Variants in PTCH1 observed in about 807,000 individuals in gnomAD.
PTCH1 encodes the protein patched 1.
In PTCH1, 14 loss-of-function variants were observed where a neutral mutation model predicts 144.6. That is an observed-to-expected ratio of 0.10 (90% CI 0.06 to 0.15). PTCH1 has a LOEUF of 0.15. Ranked by LOEUF, PTCH1 falls within the 10% of genes least tolerant of loss-of-function variation. PTCH1 has a pLI of 1.00. For missense variants in PTCH1, 1,623 were observed against 1,948.3 expected, an observed-to-expected ratio of 0.83 and a Z score of 3.14; for synonymous variants, 833 against 793.6, an observed-to-expected ratio of 1.05 and a Z score of -0.83.
chr9:95,482,348 G>A, intron 3 of PTCH1, 145 bp from the exon 4 acceptor site: 1 of 756,186 alleles, frequency 1.3e-6, no homozygotes, highest in Non-Finnish European at 2.2e-6. Flanking sequence ...TTGCCAAGTA[G>A]AGACCCAGCA....
upstream of PTCH1, among the ~76,000 whole-genome samples, chr9:95,510,348 G>C (rs3758302): frequency 0.4 from 60,776 of 151,940 alleles, 13,667 homozygotes; most frequent in African/African-American, 0.61. Context: ...TGGATTCATT[G>C]AAAACAAACT....
chr9:95,508,053 G>A, intron 1 of PTCH1, 108 bp downstream of exon 1: 4 of 1,556,654 alleles, frequency 2.6e-6, no homozygotes, highest in East Asian at 2.3e-5. Flanking sequence ...GTGTGTGTGT[G>A]TGTGTGAGAG....
chr9:95,486,806 C>T (rs938510038), intron 2 of PTCH1, among the ~76,000 whole-genome samples: 4 of 152,338 alleles, frequency 2.6e-5, no homozygotes, highest in South Asian at 2.1e-4. Context: ...AGCCAAGCTC[C>T]GAATGCTGCA....
At chr9:95,510,934 T>C (rs1844120101), upstream of PTCH1, among the ~76,000 whole-genome samples, 1 of 150,038 alleles carries the variant, frequency 6.7e-6, no homozygotes, top group Middle Eastern at 3.2e-3. Context: ...CCGGGCCGGC[T>C]CCGGGCCTCC....
Position 95,449,247 on chromosome 9 carries a change from ATGGCGAAGCGGACCACGCTGGGGGG to A in PTCH1, c.3601_3625del (p.Pro1201CysfsTer46). On this transcript the variant is annotated frameshift_variant, in exon 22 of 24. Coordinates refer to ENST00000331920, the MANE Select transcript of PTCH1 (RefSeq NM_000264.5). LOFTEE classifies it high-confidence loss of function. This position sits in a 1 kb window ranked among gnomAD's most constrained non-coding sequence, Gnocchi z 5.3. ...CCCGCTGTGCGTGTGGCCGGGCGGC[ATGGCGAAGCGGACCACGCTGGGGGG>A]TGGCTCAGGGGAGGGTGTGGGCAGG... 1 of 1,577,186 alleles carries A rather than the reference ATGGCGAAGCGGACCACGCTGGGGGG, an allele frequency of 6.3e-7. No individual in the cohort carries two copies. Among genetic ancestry groups the A allele is most frequent in the East Asian group, 2.3e-5 (1 of 43,292 alleles).
At chr9:95,511,109 G>C (rs1405755179), upstream of PTCH1, among the ~76,000 whole-genome samples, 3 of 149,664 alleles carry the variant, frequency 2.0e-5, no homozygotes, top group Non-Finnish European at 4.5e-5. Flanking sequence ...ACGAGTCCCT[G>C]CCCATTCAGC....
At chr9:95,492,759 T>A (rs1587653698) in intron 2 of PTCH1, among the ~76,000 whole-genome samples, 1 of 151,898 alleles carries the variant, frequency 6.6e-6, no homozygotes, top group African/African-American at 2.4e-5. Flanking sequence ...CAATAATCCG[T>A]ATTTTTATTT....
chr9:95,495,370 T>C (rs1842715986), intron 2 of PTCH1: 1 of 152,048 alleles, frequency 6.6e-6, no homozygotes, highest in Non-Finnish European at 1.5e-5. Flanking sequence ...GCATCATGCA[T>C]TTCAAAGTAT....
intron 23 of PTCH1, 95 bp downstream of exon 23, chr9:95,446,816 A>C (rs1588509002): frequency 6.5e-7 from 1 of 1,535,876 alleles, no homozygotes; most frequent in Middle Eastern, 2.3e-4. Context: ...CCCGAGCGCC[A>C]CAGCCCCTCG....
In PTCH1 at chr9:95,482,121, G is replaced by T; in HGVS notation, c.654+13C>A. The T allele has an allele frequency of 2.5e-6, 4 of 1,613,948 alleles. No homozygotes were observed. In the South Asian group the frequency reaches 3.3e-5, roughly 13 times the overall value. ...GTTCCTGAGAAATTTTTGCCAACAA[G>T]AAGAAAATATACCTGATCCATGTAA... On this transcript the variant is annotated intron_variant, in intron 4 of 23. Transcript: ENST00000331920.
Position 95,476,922 on chromosome 9 carries a change from T to C in PTCH1, c.1504-65A>G. 6.8e-7 allele frequency: 1 copy of C among 1,467,024 alleles called. No homozygotes were observed. 90.9% of individuals were successfully genotyped at this position (1,467,024 alleles called of 1,614,324 possible). A position where few individuals can be genotyped will look rare whatever the true frequency, so the allele number is the denominator to read the frequency against. ...GATGCAATTCAGATGATTCTAAAGC[T>C]AGTTAGGACTCTGCCACCAGCACCT... On this transcript the variant is annotated intron_variant, in intron 10 of 23. Transcript: ENST00000331920. The surrounding 1 kb of genome is among the most constrained non-coding windows in gnomAD (Gnocchi z 4.6).
Position 95,481,929 on chromosome 9 carries a change from A to G in PTCH1, c.746+20T>C. On this transcript the variant is annotated intron_variant, in intron 5 of 23. Transcript: ENST00000331920. ...TCCTAGAGAAGTCACAGACATCAGA[A>G]AGCATGATCACACACTTACAGGAGG... The G allele has an allele frequency of 6.3e-7, 1 of 1,581,570 alleles. No homozygotes were observed. The highest frequency in any genetic ancestry group is 8.7e-7 in the Non-Finnish European group (1 of 1,150,420).
chr9:95,511,286 TCTC>T (rs541644471), upstream of PTCH1, among the ~76,000 whole-genome samples: 1,834 of 151,858 alleles, frequency 0.012, 21 homozygotes, highest in Middle Eastern at 0.058. Context: ...GCCTGCGCCT[TCTC>T]CTTCCTCCCT....
rs181166596 is a variant in PTCH1 at position 95,504,936 on chromosome 9, G to A, written c.394+1471C>T. On this transcript the variant is annotated intron_variant, in intron 2 of 23. Coordinates refer to ENST00000331920, the MANE Select transcript of PTCH1 (RefSeq NM_000264.5). The stretch of plus-strand genomic sequence containing the variant: ...GTGCTCAAGAAACTTGTTGCTAGGA[G>A]CATAATAGCTGCTCGATAAAACCCT... Among the ~76,000 whole-genome samples the A allele has an allele frequency of 4.5e-4, 68 of 152,332 alleles. No individual in the cohort carries two copies. The Middle Eastern group carries it at 0.01, about 23-fold the overall frequency.
chr9:95,516,429 G>A (rs1395435211), intron 1 of PTCH1: 2 of 1,375,198 alleles, frequency 1.5e-6, no homozygotes, highest in South Asian at 1.8e-5. Flanking sequence ...GGCGCGCGAG[G>A]CGAGGTGGCG....
chr9:95,507,912 A>ACG, intron 1 of PTCH1: 1 of 1,377,664 alleles, frequency 7.3e-7, no homozygotes, highest in African/African-American at 1.5e-5. Flanking sequence ...GTATACACAC[A>ACG]CACACACGCA....
intron 2 of PTCH1, among the ~76,000 whole-genome samples, chr9:95,497,744 C>T (rs1454548758): frequency 1.3e-5 from 2 of 152,234 alleles, no homozygotes; most frequent in Non-Finnish European, 2.9e-5. Context: ...ATCCAAGCCA[C>T]ATCTTGATTT....
intron 2 of PTCH1, among the ~76,000 whole-genome samples, chr9:95,498,894 A>G (rs1360854231): frequency 6.6e-6 from 1 of 152,224 alleles, no homozygotes; most frequent in African/African-American, 2.4e-5. Flanking sequence ...GATGGAACAC[A>G]TAAAGCTTCA....
intron 18 of PTCH1, among the ~76,000 whole-genome samples, chr9:95,456,883 C>T (rs961959846): frequency 2.6e-5 from 4 of 152,044 alleles, no homozygotes; most frequent in African/African-American, 2.4e-5. Context: ...GCTGATAGGA[C>T]GGGGTGAATA....
Sources: allele counts gnomAD v4.1 joint callset (sites outside exome capture counted in the v4.1 genomes callset), GRCh38; gene constraint gnomAD v4.1.1; non-coding constraint Gnocchi (gnomAD v3.1); transcripts MANE v1.5; gene names NCBI Gene and HGNC (gene_info 2026-07-23, HGNC 2026-07-21).